LATS1: variants seen among roughly 807,000 people sequenced by gnomAD.
The protein encoded by LATS1 is large tumor suppressor kinase 1.
In LATS1, 25 loss-of-function variants were observed where a neutral mutation model predicts 106.6. The ratio of observed to expected loss-of-function variants is 0.23; its 90% CI spans 0.17 to 0.33. The LOEUF is 0.33. Among genes scored for constraint, LATS1 ranks in the 10% least tolerant of loss-of-function variants. LATS1 has a pLI of 1.00. For missense variants in LATS1, 1,040 were observed against 1,382.6 expected (o/e 0.75, Z 3.93); for synonymous variants, 465 against 455.6 (o/e 1.02, Z -0.26).
chr6:149,675,327 A>G (rs1410206498), intron 7 of LATS1, among the ~76,000 whole-genome samples: 1 of 152,172 alleles, frequency 6.6e-6, no homozygotes, highest in Non-Finnish European at 1.5e-5. Context: ...AGGGAACGGT[A>G]TGAACAGAGG....
At chr6:149,675,958 C>T (rs529268227) in intron 7 of LATS1, 60 of 281,232 alleles carry the variant, frequency 2.1e-4, no homozygotes, top group East Asian at 3.4e-4. Flanking sequence ...CTGGAGTTCA[C>T]GCATGCAATT....
chr6:149,694,177 T>G (rs1782933902), intron 3 of LATS1, among the ~76,000 whole-genome samples: 2 of 152,232 alleles, frequency 1.3e-5, no homozygotes, highest in Admixed American at 6.5e-5. Context: ...TTAAGTTTTC[T>G]AAAACTTACT....
chr6:149,694,933 A>T (rs1324450188), intron 3 of LATS1, 141 bp downstream of exon 3: 1 of 680,334 alleles, frequency 1.5e-6, no homozygotes, highest in Non-Finnish European at 2.3e-6. Flanking sequence ...TTGGTATAAC[A>T]TTATAATGTT....
Position 149,683,504 on chromosome 6 carries a change from G to C in LATS1, c.1585C>G (p.Pro529Ala). The change falls in exon 4 of 8, where the codon CCC (proline) becomes GCC (alanine). Residue 529 changes from proline to alanine, a missense_variant. This residue lies in a region of LATS1 where 624 missense variants were observed against 714.8 expected (regional missense o/e 0.87). Transcript: ENST00000543571. ...WIPQPIQTVQ[P>A]SPFPEGTASN... ...GCGGTTCCCTCAGGAAAAGGACTGGGTTGAACAGTTTGAATTGGCTGTGGT... is the reference window on the plus strand; with the variant it reads ...GCGGTTCCCTCAGGAAAAGGACTGGCTTGAACAGTTTGAATTGGCTGTGGT... 1 of 1,614,226 alleles carries C rather than the reference G, an allele frequency of 6.2e-7. No individual in the cohort carries two copies. The highest frequency in any genetic ancestry group is 8.5e-7 in the Non-Finnish European group (1 of 1,180,046).
rs751994326 is a variant in LATS1, at chr6:149,658,776, A to G, written c.*2953T>C. The G allele has an allele frequency of 6.6e-6, 1 of 152,238 alleles. No homozygotes were observed. Among genetic ancestry groups the G allele is most frequent in the Non-Finnish European group, 1.5e-5 (1 of 68,042 alleles). The allele number at this position is 152,238 out of a possible 1,614,324, so 9.4% of individuals were successfully genotyped here. On this transcript the variant is annotated 3_prime_UTR_variant, in exon 8 of 8. Transcript: ENST00000543571. Reference sequence around the variant, plus strand: ...TTACAAATAAGAAGGTAGAAAAGATACAGCAGTAGGGCCTGCCTTATGATG... The same window carrying G: ...TTACAAATAAGAAGGTAGAAAAGATGCAGCAGTAGGGCCTGCCTTATGATG...
chr6:149,672,903 C>T (rs756965065), intron 7 of LATS1, among the ~76,000 whole-genome samples: 5 of 151,806 alleles, frequency 3.3e-5, no homozygotes, highest in Non-Finnish European at 7.4e-5. Flanking sequence ...AAGATAGCAC[C>T]ATTGCACTCC....
At chr6:149,700,861 G>A (rs138284890) in intron 2 of LATS1, among the ~76,000 whole-genome samples, 47 of 152,334 alleles carry the variant, frequency 3.1e-4, no homozygotes, top group African/African-American at 9.6e-4. Context: ...TCGGCTCACT[G>A]TAACCTCTGC....
intron 7 of LATS1, among the ~76,000 whole-genome samples, chr6:149,674,770 C>CA (rs111779138): frequency 0.037 from 5,584 of 149,294 alleles, 312 homozygotes; most frequent in African/African-American, 0.11. Flanking sequence ...ACAAAAAATA[C>CA]AAAAAAAAAT....
Position 149,679,956 on chromosome 6 carries a change from GATCA to G in LATS1, c.2508_2511del (p.Asp837ValfsTer7). On this transcript the variant is annotated frameshift_variant, in exon 5 of 8. Coordinates refer to ENST00000543571, the MANE Select transcript of LATS1 (RefSeq NM_004690.4). LOFTEE classifies it high-confidence loss of function. ...TCAGTCAATTTAATATGACCATCAC[GATCA>G]ATCAAAATATTATCAGGTTTAATAT... 6.2e-7 allele frequency: 1 copy of G among 1,613,938 alleles called. No homozygotes were observed. Among genetic ancestry groups the G allele is most frequent in the Non-Finnish European group, 8.5e-7 (1 of 1,179,908 alleles).
rs73779542 is a variant in LATS1, at chr6:149,683,469, C to T, written c.1620G>A (p.Val540=). Residue 540 remains valine, a synonymous_variant, in exon 4 of 8, where the codon GTG becomes GTA. Coordinates refer to ENST00000543571, the MANE Select transcript of LATS1 (RefSeq NM_004690.4). The part of the protein sequence containing the change: ...SPFPEGTASN[V]TVMPPVAEAP... ...CTTCAGCAACAGGTGGCATCACAGT[C>T]ACATTTGAAGCGGTTCCCTCAGGAA... is the stretch of plus-strand genomic sequence containing the variant. The T allele has an allele frequency of 6.4e-4, 1,041 of 1,614,162 alleles. 6 individuals are homozygous for T. In the African/African-American group the frequency reaches 0.012, roughly 19 times the overall value.
Position 149,660,207 on chromosome 6 carries a change from A to G in LATS1, c.*1522T>C, listed in dbSNP as rs1365517526. ...CCACAGCTTCCTTCAGATTCTCAAA[A>G]GAACCACTAACCCCAAAAGACGCAC... On this transcript the variant is annotated 3_prime_UTR_variant, in exon 8 of 8. Coordinates refer to ENST00000543571, the MANE Select transcript of LATS1 (RefSeq NM_004690.4). 1 of 232,808 alleles carries G rather than the reference A, an allele frequency of 4.3e-6. No homozygotes were observed. 14.4% of individuals were successfully genotyped at this position (232,808 alleles called of 1,614,324 possible).
chr6:149,706,521 G>C (rs1474306506), intron 1 of LATS1, among the ~76,000 whole-genome samples: 1 of 151,824 alleles, frequency 6.6e-6, no homozygotes, highest in Non-Finnish European at 1.5e-5. Context: ...AAAAAAAAAA[G>C]ATATTCCCCT....
At chr6:149,682,968 A>G (rs764261113) in intron 4 of LATS1, 111 bp downstream of exon 4, 1 of 791,310 alleles carries the variant, frequency 1.3e-6, no homozygotes, top group Non-Finnish European at 1.9e-6. Flanking sequence ...AACTGATAAT[A>G]TATTTTATTT....
In LATS1 at chr6:149,696,689, A is replaced by T. The variant is rs138870751; in HGVS notation, c.349-1468T>A. Reference sequence around the variant, plus strand: ...CTCTTAGAGATTACGTTTTCAGAGAACTATATTACAGGAATACAAATATAA... The same window carrying T: ...CTCTTAGAGATTACGTTTTCAGAGATCTATATTACAGGAATACAAATATAA... On this transcript the variant is annotated intron_variant, in intron 2 of 7. Coordinates refer to ENST00000543571, the MANE Select transcript of LATS1 (RefSeq NM_004690.4). Among the ~76,000 whole-genome samples the T allele has an allele frequency of 1.3e-3, 195 of 152,154 alleles. 1 individual carries two copies. The highest frequency in any genetic ancestry group is 4.6e-3 in the African/African-American group (190 of 41,506).
At position 149,683,603 on chromosome 6, in the gene LATS1, G is replaced by T; in HGVS notation, c.1486C>A (p.Gln496Lys). The stretch of plus-strand genomic sequence containing the variant: ...AATACACGCATACTTTTCACAGGCT[G>T]TTGAATAGGAGCTGGTGTAATTGCA... ...VTAITPAPIQ[Q>K]PVKSMRVLKP... is the part of the protein sequence containing the mutation. Residue 496 changes from glutamine to lysine, a missense_variant, in exon 4 of 8, where the codon CAG (glutamine) becomes AAG (lysine). This residue lies in a region of LATS1 where 624 missense variants were observed against 714.8 expected (regional missense o/e 0.87). Coordinates refer to ENST00000543571, the MANE Select transcript of LATS1 (RefSeq NM_004690.4). The T allele has an allele frequency of 6.2e-7, 1 of 1,614,242 alleles. No individual in the cohort carries two copies.
chr6:149,668,288 T>C (rs1781264341), intron 7 of LATS1, among the ~76,000 whole-genome samples: 1 of 152,004 alleles, frequency 6.6e-6, no homozygotes, highest in Admixed American at 6.6e-5. Context: ...AGAGACTCTG[T>C]TGTCAACACA....
At position 149,669,937 on chromosome 6, in the gene LATS1, C is replaced by T. The variant is rs576996492; in HGVS notation, c.2883+6323G>A. On this transcript the variant is annotated intron_variant, in intron 7 of 7. Transcript: ENST00000543571. ...CTGTAATCCCAACACTTTGGGAGGCCGAGGCAGGTGGATCACTTGAGGTCA... is the reference window on the plus strand; with the variant it reads ...CTGTAATCCCAACACTTTGGGAGGCTGAGGCAGGTGGATCACTTGAGGTCA... 8.9e-4 allele frequency among the ~76,000 whole-genome samples: 135 copies of T among 151,510 alleles called. 1 individual carries two copies. The highest frequency in any genetic ancestry group is 2.1e-3 in the South Asian group (10 of 4,804).
At chr6:149,717,159 T>C (rs1484671559) in intron 1 of LATS1, among the ~76,000 whole-genome samples, 1 of 152,206 alleles carries the variant, frequency 6.6e-6, no homozygotes, top group Non-Finnish European at 1.5e-5. Context: ...AACATATGAG[T>C]TGACAAACAT....
At position 149,662,074 on chromosome 6, in the gene LATS1, G is replaced by C. The variant is rs1277630439; in HGVS notation, c.3048C>G (p.Ser1016=). The part of the protein sequence containing the change: ...AHPFFKTIDF[S]SDLRQQSASY... ...AAGCAGACTGCTGTCTCAGGTCACTGGAGAAGTCAATTGTTTTAAAAAATG... is the reference window on the plus strand; with the variant it reads ...AAGCAGACTGCTGTCTCAGGTCACTCGAGAAGTCAATTGTTTTAAAAAATG... The change falls in exon 8 of 8, where the codon TCC becomes TCG. Residue 1016 remains serine, a synonymous_variant. Coordinates refer to ENST00000543571, the MANE Select transcript of LATS1 (RefSeq NM_004690.4). 1.2e-6 allele frequency: 2 copies of C among 1,613,964 alleles called. No homozygotes were observed. Among genetic ancestry groups the C allele is most frequent in the Admixed American group, 1.7e-5 (1 of 59,980 alleles).
Sources: gnomAD v4.1 joint callset for allele counts (sites outside exome capture counted in the v4.1 genomes callset) on GRCh38, gnomAD v4.1.1 for gene constraint, gnomAD v4.1.1 regional missense constraint, MANE v1.5 for transcripts, NCBI Gene and HGNC (gene_info 2026-07-23, HGNC 2026-07-21) for gene names.